The following CSMD1 variants were observed in gnomAD, a reference collection of about 807,000 sequenced individuals.
CSMD1 encodes the protein CUB and sushi domain-containing protein 1.
CSMD1 carries 213 observed loss-of-function variants against 417.5 expected under a neutral mutation model. That is an observed-to-expected ratio of 0.51 (90% confidence interval 0.46 to 0.57). CSMD1 has a LOEUF of 0.57. Among genes scored for constraint, CSMD1 ranks in the 20% least tolerant of loss-of-function variants. The pLI, the probability that CSMD1 is intolerant of heterozygous loss-of-function variation, is 0.00. For missense variants in CSMD1, 6,923 were observed against 4,529.7 expected (o/e 1.53, Z -15.17); for synonymous variants, 2,862 against 1,736.8 (o/e 1.65, Z -16.11).
rs146595688 is a variant in CSMD1 at position 3,547,652 on chromosome 8, T to C, written c.1344+27293A>G. ...GTTAATAAAGTGGGTTTGTAAGTAA[T>C]ATTAATTTAAATATACTACAACCTT... On this transcript the variant is annotated intron_variant, in intron 10 of 69. Coordinates refer to ENST00000635120, the MANE Select transcript of CSMD1 (RefSeq NM_033225.6). 9.2e-5 allele frequency among the ~76,000 whole-genome samples: 14 copies of C among 152,354 alleles called. No individual in the cohort carries two copies. In the East Asian group the frequency reaches 2.3e-3, roughly 25 times the overall value.
chr8:3,219,121 TC>T, intron 29 of CSMD1, 133 bp downstream of exon 29: 1 of 652,758 alleles, frequency 1.5e-6, no homozygotes, highest in Non-Finnish European at 2.5e-6. Context: ...GAGACATGTA[TC>T]TTCCCAGACA....
intron 3 of CSMD1, among the ~76,000 whole-genome samples, chr8:4,321,706 T>C (rs1489113307): frequency 6.6e-6 from 1 of 152,220 alleles, no homozygotes; most frequent in East Asian, 1.9e-4. Flanking sequence ...AATCAATGTC[T>C]TTGTTGATTA....
intron 3 of CSMD1, among the ~76,000 whole-genome samples, chr8:4,227,545 G>A (rs1413016311): frequency 6.6e-6 from 1 of 152,024 alleles, no homozygotes; most frequent in Non-Finnish European, 1.5e-5. Flanking sequence ...GAGAAGCAGG[G>A]GTGCCAGGAA....
chr8:4,983,564 C>T (rs1174306666), intron 1 of CSMD1, among the ~76,000 whole-genome samples: 1 of 152,046 alleles, frequency 6.6e-6, no homozygotes, highest in Admixed American at 6.6e-5. Flanking sequence ...CTCCTGTCGC[C>T]CAGGCTGGAA....
In CSMD1 at chr8:3,533,318, G is replaced by A. The variant is rs533917980; in HGVS notation, c.1345-39592C>T. Among the ~76,000 whole-genome samples the A allele has an allele frequency of 3.9e-5, 6 of 152,240 alleles. No individual in the cohort carries two copies. In the South Asian group the frequency reaches 1.2e-3, roughly 32 times the overall value. On this transcript the variant is annotated intron_variant, in intron 10 of 69. Coordinates refer to ENST00000635120, the MANE Select transcript of CSMD1 (RefSeq NM_033225.6). Reference sequence around the variant, plus strand: ...TATAATATAATTAACTATAAACCGAGATTGTACAGCAGATCTCTAGAACTT... The same window carrying A: ...TATAATATAATTAACTATAAACCGAAATTGTACAGCAGATCTCTAGAACTT...
At chr8:3,839,700 G>A (rs945706352) in intron 5 of CSMD1, among the ~76,000 whole-genome samples, 27 of 149,272 alleles carry the variant, frequency 1.8e-4, no homozygotes, top group African/African-American at 2.7e-4. Flanking sequence ...GAGCTGTTGT[G>A]GAGAATGAAC....
chr8:4,837,306 C>T (rs897123621), intron 1 of CSMD1, among the ~76,000 whole-genome samples: 17 of 152,258 alleles, frequency 1.1e-4, no homozygotes, highest in African/African-American at 1.4e-4. Context: ...TCTAGGTTTG[C>T]TGCTGCACTG....
At position 3,709,695 on chromosome 8, in the gene CSMD1, T is replaced by TGC. The variant is rs1563296627; in HGVS notation, c.932-1205_932-1204insGC. Reference sequence around the variant, plus strand: ...GCAGCAGCATGTTTTTTTTTTTTTTTTTTTTTTTTTTTTTCCCTGCTTTCT... The same window carrying TGC: ...GCAGCAGCATGTTTTTTTTTTTTTTTGCTTTTTTTTTTTTTTCCCTGCTTTCT... On this transcript the variant is annotated intron_variant, in intron 6 of 69. Transcript: ENST00000635120. 3.6e-3 allele frequency among the ~76,000 whole-genome samples: 443 copies of TGC among 123,572 alleles called. 16 individuals are homozygous for TGC. Among genetic ancestry groups the TGC allele is most frequent in the Non-Finnish European group, 5.7e-3 (323 of 56,672 alleles). The allele number at this position is 123,572 out of a possible 152,430, so 81.1% of individuals were successfully genotyped here.
At chr8:4,065,772 T>G (rs1394535215) in intron 3 of CSMD1, among the ~76,000 whole-genome samples, 1 of 152,178 alleles carries the variant, frequency 6.6e-6, no homozygotes, top group Non-Finnish European at 1.5e-5. Flanking sequence ...TTTGGGGAAC[T>G]ACAGCAAATA....
intron 1 of CSMD1, among the ~76,000 whole-genome samples, chr8:4,894,012 A>G (rs1804307553): frequency 6.6e-6 from 1 of 151,762 alleles, no homozygotes; most frequent in African/African-American, 2.4e-5. Context: ...ATGTATAGAT[A>G]CCTTTGGATT....
At chr8:4,386,335 G>T (rs973060451) in intron 3 of CSMD1, among the ~76,000 whole-genome samples, 2 of 150,246 alleles carry the variant, frequency 1.3e-5, no homozygotes, top group African/African-American at 4.9e-5. Context: ...TTCCGTCCTC[G>T]GTTATGACTT....
chr8:3,801,127 A>T (rs1263806827), intron 5 of CSMD1, among the ~76,000 whole-genome samples: 2 of 152,158 alleles, frequency 1.3e-5, no homozygotes, highest in Non-Finnish European at 2.9e-5. Flanking sequence ...AATTTTACCG[A>T]CATTAAAAAT....
intron 1 of CSMD1, among the ~76,000 whole-genome samples, chr8:4,905,788 C>G (rs1422688798): frequency 2.1e-5 from 3 of 145,674 alleles, no homozygotes; most frequent in Non-Finnish European, 3.0e-5. Flanking sequence ...CCACTGCACT[C>G]CAGCCTGGGC....
chr8:4,514,504 C>T (rs1033636936), intron 2 of CSMD1, among the ~76,000 whole-genome samples: 3 of 152,112 alleles, frequency 2.0e-5, no homozygotes, highest in Non-Finnish European at 2.9e-5. Flanking sequence ...TGGGAATCAA[C>T]GAAGAGGGAA....
chr8:3,958,759 C>A (rs192679015), intron 5 of CSMD1, among the ~76,000 whole-genome samples: 9 of 152,274 alleles, frequency 5.9e-5, no homozygotes, highest in African/African-American at 2.2e-4. Flanking sequence ...ACACAAAGCA[C>A]CCTTCTGTCC....
At position 4,734,306 on chromosome 8, in the gene CSMD1, T is replaced by C. The variant is rs189945024; in HGVS notation, c.86-96748A>G. On this transcript the variant is annotated intron_variant, in intron 1 of 69. Coordinates refer to ENST00000635120, the MANE Select transcript of CSMD1 (RefSeq NM_033225.6). ...TATTGAGCAGTACTAAAAAAGCAAA[T>C]TATTGTTTATGGATGTGAATTTCAC... 2.2e-3 allele frequency among the ~76,000 whole-genome samples: 339 copies of C among 152,228 alleles called. 7 individuals carry two copies. Among genetic ancestry groups the C allele is most frequent in the Non-Finnish European group, 6.2e-4 (42 of 68,000 alleles).
At chr8:4,790,704 C>T (rs1797641268) in intron 1 of CSMD1, among the ~76,000 whole-genome samples, 1 of 152,132 alleles carries the variant, frequency 6.6e-6, no homozygotes, top group Admixed American at 6.5e-5. Flanking sequence ...TGATATTTTA[C>T]AAAGCCAGCA....
At chr8:2,993,403 T>C (rs1238185862) in intron 54 of CSMD1, among the ~76,000 whole-genome samples, 1 of 152,180 alleles carries the variant, frequency 6.6e-6, no homozygotes, top group East Asian at 1.9e-4. Flanking sequence ...GGGGCTACTG[T>C]CTGCCCCTGT....
rs182929590 is a variant in CSMD1, at chr8:4,423,643, A to C, written c.303-3578T>G. Among the ~76,000 whole-genome samples the C allele has an allele frequency of 1.0e-3, 157 of 152,166 alleles. 1 individual carries two copies. The highest frequency in any genetic ancestry group is 3.7e-3 in the African/African-American group (152 of 41,568). On this transcript the variant is annotated intron_variant, in intron 2 of 69. Coordinates refer to ENST00000635120, the MANE Select transcript of CSMD1 (RefSeq NM_033225.6). ...ATATAGGTTACTTCCAAACTGATAC[A>C]CAGGTTTTACACAATTTCCACCAAA...
Sources: allele counts gnomAD v4.1 joint callset (sites outside exome capture counted in the v4.1 genomes callset), GRCh38; gene constraint gnomAD v4.1.1; transcripts MANE v1.5; gene names NCBI Gene and HGNC (gene_info 2026-07-23, HGNC 2026-07-21).